The following OSBP2 variants were observed in gnomAD, a reference collection of about 807,000 sequenced individuals.
OSBP2 encodes the protein oxysterol binding protein 2.
A neutral mutation model predicts 96.0 loss-of-function variants in OSBP2; 66 were observed. That is an observed-to-expected ratio of 0.69 (90% CI 0.56 to 0.84). The LOEUF is 0.84. OSBP2 is among the 40% of genes least tolerant of loss of function. The pLI is 0.00. For synonymous variants in OSBP2, 525 were observed against 520.9 expected, an observed-to-expected ratio of 1.01 and a Z score of -0.11; for missense variants, 1,038 against 1,222.7, an observed-to-expected ratio of 0.85 and a Z score of 2.25.
chr22:30,723,807 C>T (rs1043984421), intron 1 of OSBP2, among the ~76,000 whole-genome samples: 8 of 152,160 alleles, frequency 5.3e-5, no homozygotes, highest in African/African-American at 1.9e-4. Flanking sequence ...TCTACTCTCT[C>T]CCGACACAGG....
intron 1 of OSBP2, among the ~76,000 whole-genome samples, chr22:30,699,759 G>A (rs1485499905): frequency 6.6e-6 from 1 of 150,404 alleles, no homozygotes. Context: ...TCATTTGATT[G>A]CTTAAGTATA....
At chr22:30,842,134 A>G (rs2147035383) in intron 2 of OSBP2, among the ~76,000 whole-genome samples, 1 of 152,260 alleles carries the variant, frequency 6.6e-6, no homozygotes, top group East Asian at 1.9e-4. Context: ...TTTTGTAGAC[A>G]CAGAGTTTTA....
In OSBP2 at chr22:30,871,132, G is replaced by A. The variant is rs1218615101; in HGVS notation, c.1107+450G>A. On this transcript the variant is annotated intron_variant, in intron 3 of 13. Transcript: ENST00000332585. The surrounding 1 kb of genome is among the most constrained non-coding windows in gnomAD (Gnocchi z 4.7). ...GTGCACAACAAGGGGAGGGTGTGGT[G>A]GGGGGCTGCAGTCGAGGGCTCCCTG... Among the ~76,000 whole-genome samples the A allele has an allele frequency of 6.6e-6, 1 of 152,098 alleles. No homozygotes were observed. The highest frequency in any genetic ancestry group is 2.4e-5 in the African/African-American group (1 of 41,410).
rs368108175 is a variant in OSBP2 at position 30,730,110 on chromosome 22, A to G, written c.645-11051A>G. Among the ~76,000 whole-genome samples, 102 of 152,090 alleles carry G rather than the reference A, an allele frequency of 6.7e-4. 1 individual carries two copies. The East Asian group carries it at 0.012, about 18-fold the overall frequency. On this transcript the variant is annotated intron_variant, in intron 1 of 13. Transcript: ENST00000332585. The stretch of plus-strand genomic sequence containing the variant: ...TCCAAGTAGCTGGGACTACAGGCGC[A>G]TGCCACCATGCCTGACTAATTTTTG...
At chr22:30,721,747 G>C (rs1219812714) in intron 1 of OSBP2, among the ~76,000 whole-genome samples, 1 of 152,142 alleles carries the variant, frequency 6.6e-6, no homozygotes, top group Non-Finnish European at 1.5e-5. Context: ...AACTCATATT[G>C]TAATCCGAAC....
chr22:30,863,182 C>G (rs9609127), intron 2 of OSBP2, among the ~76,000 whole-genome samples: 38,083 of 152,002 alleles, frequency 0.25, 5,226 homozygotes, highest in East Asian at 0.4. Context: ...TTGATATCCC[C>G]CAGACTCCCA....
chr22:30,751,032 C>T (rs1421260093), intron 2 of OSBP2, among the ~76,000 whole-genome samples: 2 of 152,214 alleles, frequency 1.3e-5, no homozygotes, highest in African/African-American at 4.8e-5. Flanking sequence ...TGAGCCACTG[C>T]ACCCGGCCTC....
intron 2 of OSBP2, among the ~76,000 whole-genome samples, chr22:30,807,319 C>T (rs564562389): frequency 2.0e-5 from 3 of 152,296 alleles, no homozygotes; most frequent in Non-Finnish European, 2.9e-5. Context: ...TCTGTCGCTT[C>T]CCTCAAGCCG....
chr22:30,865,438 A>C (rs1400604007), intron 2 of OSBP2, among the ~76,000 whole-genome samples: 1 of 152,080 alleles, frequency 6.6e-6, no homozygotes, highest in Non-Finnish European at 1.5e-5. Flanking sequence ...CAGCCTGGCC[A>C]ACATAGTGAA....
Position 30,791,078 on chromosome 22 carries a change from G to T in OSBP2, c.853+49709G>T, listed in dbSNP as rs371070932. On this transcript the variant is annotated intron_variant, in intron 2 of 13. Transcript: ENST00000332585. The stretch of plus-strand genomic sequence containing the variant: ...GGCTCACGGCAACTTCCGCCTCCTG[G>T]GTTCAAATGATTCTCCTGCCTCAGC... Among the ~76,000 whole-genome samples, 105 of 151,892 alleles carry T rather than the reference G, an allele frequency of 6.9e-4. 1 individual carries two copies. In the South Asian group the frequency reaches 0.02, roughly 29 times the overall value.
chr22:30,762,193 G>C (rs1296735929), intron 2 of OSBP2, among the ~76,000 whole-genome samples: 1 of 152,068 alleles, frequency 6.6e-6, no homozygotes, highest in African/African-American at 2.4e-5. Context: ...CTGCACTCCA[G>C]CCTGGGTGAC....
chr22:30,890,747 T>A lies in OSBP2; in HGVS notation c.1643T>A (p.Leu548Gln), dbSNP rs760467676. ...CCACAGGTGAACTTCAATGAGCCCC[T>A]GTCCATGCTCCAGCGGCTGACAGAG... ...IPMPVNFNEPLSMLQRLTEDL... is the reference protein window; with the variant it reads ...IPMPVNFNEPQSMLQRLTEDL... The change falls in exon 8 of 14, where the codon CTG (leucine) becomes CAG (glutamine). Residue 548 changes from leucine (L) to glutamine (Q), a missense_variant. Leu to Gln is a moderately radical substitution (Grantham distance 113). Around this residue, in one of 3 missense-constraint regions of OSBP2, gnomAD observed 737 missense variants for 913.3 expected, o/e 0.81. Coordinates refer to ENST00000332585, the MANE Select transcript of OSBP2 (RefSeq NM_030758.4). This position sits in a 1 kb window ranked among gnomAD's most constrained non-coding sequence, Gnocchi z 4.4. 1 of 1,612,824 alleles carries A rather than the reference T, an allele frequency of 6.2e-7. No homozygotes were observed. The highest frequency in any genetic ancestry group is 1.3e-5 in the African/African-American group (1 of 74,922).
chr22:30,756,620 G>A (rs2090143934), intron 2 of OSBP2, among the ~76,000 whole-genome samples: 1 of 152,150 alleles, frequency 6.6e-6, no homozygotes, highest in Non-Finnish European at 1.5e-5. Context: ...TCGAACCCGG[G>A]AGGTGGAGTT....
intron 1 of OSBP2, among the ~76,000 whole-genome samples, chr22:30,738,089 T>C (rs558765128): frequency 6.6e-6 from 1 of 152,012 alleles, no homozygotes; most frequent in African/African-American, 2.4e-5. Flanking sequence ...TTTTTTTTTT[T>C]TCAACTCCAG....
chr22:30,694,450 T>A, upstream of OSBP2: 1 of 1,359,832 alleles, frequency 7.4e-7, no homozygotes, highest in Non-Finnish European at 9.7e-7. Context: ...CCCACCCGGC[T>A]TTCCTGGGTG....
chr22:30,726,369 A>G (rs926360850), intron 1 of OSBP2, among the ~76,000 whole-genome samples: 3 of 152,194 alleles, frequency 2.0e-5, no homozygotes, highest in African/African-American at 4.8e-5. Flanking sequence ...CATTCTCAGC[A>G]TTCTAACACA....
At chr22:30,779,561 G>A (rs547143727) in intron 2 of OSBP2, among the ~76,000 whole-genome samples, 4 of 152,124 alleles carry the variant, frequency 2.6e-5, no homozygotes, top group Non-Finnish European at 5.9e-5. Context: ...GTCCTGGGCG[G>A]TATGGTCACC....
At chr22:30,697,380 G>A (rs2089062291) in intron 1 of OSBP2, among the ~76,000 whole-genome samples, 2 of 152,150 alleles carry the variant, frequency 1.3e-5, no homozygotes, top group Admixed American at 6.5e-5. Flanking sequence ...CCAGGTTCAA[G>A]CAGTTCTCCT....
intron 11 of OSBP2, 25 bp from the exon 12 acceptor site, chr22:30,893,792 A>AC: frequency 6.2e-7 from 1 of 1,604,318 alleles, no homozygotes; most frequent in South Asian, 1.1e-5. Context: ...GTCTGCACCT[A>AC]CGCTGGTCCT....
Sources: allele counts gnomAD v4.1 joint callset (sites outside exome capture counted in the v4.1 genomes callset), GRCh38; gene constraint gnomAD v4.1.1; regional missense constraint gnomAD v4.1.1; non-coding constraint Gnocchi (gnomAD v3.1); transcripts MANE v1.5; gene names NCBI Gene and HGNC (gene_info 2026-07-23, HGNC 2026-07-21).